The following BNC2 variants were observed in gnomAD, a reference collection of about 807,000 sequenced individuals.
BNC2 encodes zinc finger protein basonuclin-2.
BNC2 carries 20 observed loss-of-function variants against 76.3 expected under a neutral mutation model. The observed-to-expected ratio is 0.26, with a 90% CI of 0.18 to 0.38. BNC2 has a LOEUF of 0.38. Among genes scored for constraint, BNC2 ranks in the 10% least tolerant of loss-of-function variants. The pLI is 1.00. For missense variants in BNC2, 1,382 were observed against 1,399.8 expected (o/e 0.99, Z 0.20); for synonymous variants, 582 against 514.8 (o/e 1.13, Z -1.77).
chr9:16,864,791 G>T (rs1478653828), intron 1 of BNC2, among the ~76,000 whole-genome samples: 1 of 152,074 alleles, frequency 6.6e-6, no homozygotes, highest in African/African-American at 2.4e-5. Flanking sequence ...CTGTGACAGT[G>T]GGGCCTTTCG....
chr9:16,706,877 T>C (rs1823689314), intron 3 of BNC2, among the ~76,000 whole-genome samples: 1 of 152,212 alleles, frequency 6.6e-6, no homozygotes, highest in Admixed American at 6.5e-5. Flanking sequence ...TTGCAAATGC[T>C]GAAATCAAAT....
intron 3 of BNC2, among the ~76,000 whole-genome samples, chr9:16,677,478 C>A (rs1822680426): frequency 6.6e-6 from 1 of 151,894 alleles, no homozygotes; most frequent in Admixed American, 6.6e-5. Flanking sequence ...GAGGCTGAGG[C>A]AGGAGAATTG....
intron 3 of BNC2, chr9:16,685,585 C>A: frequency 2.3e-6 from 3 of 1,304,280 alleles, no homozygotes; most frequent in South Asian, 1.2e-5. Context: ...CAGGTTTGGG[C>A]AGAAGTCTGC....
chr9:16,617,022 CA>C (rs1312433426), intron 3 of BNC2, among the ~76,000 whole-genome samples: 1 of 152,112 alleles, frequency 6.6e-6, no homozygotes, highest in African/African-American at 2.4e-5. Context: ...TTGTGAATTA[CA>C]ACAGGTAATT....
intron 1 of BNC2, among the ~76,000 whole-genome samples, chr9:16,793,648 C>CTTTTTTTTTTTTTTTTTTT: frequency 1.8e-5 from 1 of 55,778 alleles, no homozygotes; most frequent in Non-Finnish European, 3.7e-5. Context: ...CCTTCCACAT[C>CTTTTTTTTTTTTTTTTTTT]TTTTTTTTTT....
chr9:16,456,852 A>G (rs1821462777), intron 5 of BNC2, among the ~76,000 whole-genome samples: 1 of 152,158 alleles, frequency 6.6e-6, no homozygotes. Flanking sequence ...ATTTAACTCT[A>G]ATTTCAGGTA....
chr9:16,485,568 G>C (rs1394154377), intron 5 of BNC2, among the ~76,000 whole-genome samples: 1 of 152,084 alleles, frequency 6.6e-6, no homozygotes, highest in African/African-American at 2.4e-5. Flanking sequence ...CACCCCACTG[G>C]GCTCATTTCA....
At chr9:16,501,371 C>G (rs1299006202) in intron 5 of BNC2, among the ~76,000 whole-genome samples, 1 of 152,178 alleles carries the variant, frequency 6.6e-6, no homozygotes, top group African/African-American at 2.4e-5. Context: ...CACCTCTTGA[C>G]TGATGATAAT....
chr9:16,716,944 C>G (rs1824011440), intron 3 of BNC2, among the ~76,000 whole-genome samples: 1 of 152,158 alleles, frequency 6.6e-6, no homozygotes, highest in African/African-American at 2.4e-5. Context: ...TTTAAGTAAA[C>G]AGTTCACAAA....
chr9:16,678,267 C>CTTTTT (rs140809930), intron 3 of BNC2, among the ~76,000 whole-genome samples: 1,096 of 80,806 alleles, frequency 0.014, 15 homozygotes, highest in African/African-American at 0.023. Context: ...CTTTCTTTTT[C>CTTTTT]TTTTTTTTTT....
intron 5 of BNC2, among the ~76,000 whole-genome samples, chr9:16,439,642 C>A (rs1389026045): frequency 6.6e-6 from 1 of 152,206 alleles, no homozygotes; most frequent in Non-Finnish European, 1.5e-5. Context: ...ATGTAAAATT[C>A]TCTCTGAAAC....
intron 3 of BNC2, among the ~76,000 whole-genome samples, chr9:16,608,730 T>G (rs1820453980): frequency 6.6e-6 from 1 of 152,130 alleles, no homozygotes. Flanking sequence ...ACTTAATAGA[T>G]AAGTTGATGT....
chr9:16,801,115 C>A (rs1817768816), intron 1 of BNC2, among the ~76,000 whole-genome samples: 1 of 152,156 alleles, frequency 6.6e-6, no homozygotes. Flanking sequence ...CAAAGTATAT[C>A]CCCTACACAA....
At chr9:16,556,048 C>A (rs1242605602) in intron 4 of BNC2, among the ~76,000 whole-genome samples, 5 of 152,000 alleles carry the variant, frequency 3.3e-5, no homozygotes, top group Non-Finnish European at 5.9e-5. Flanking sequence ...ACCTGTAATC[C>A]CAGCGCTGTG....
At chr9:16,666,290 T>A (rs1822288126) in intron 3 of BNC2, among the ~76,000 whole-genome samples, 1 of 152,222 alleles carries the variant, frequency 6.6e-6, no homozygotes, top group East Asian at 1.9e-4. Flanking sequence ...AGTTCTCTGT[T>A]TTCTTCACTC....
chr9:16,845,411 G>A (rs1003863936), intron 1 of BNC2, among the ~76,000 whole-genome samples: 44 of 152,100 alleles, frequency 2.9e-4, no homozygotes, highest in Admixed American at 1.2e-3. Context: ...AAGAAACCAC[G>A]GTAGTTGGGT....
In BNC2 at chr9:16,499,504, GCTC is replaced by G. The variant is rs552932470; in HGVS notation, c.669+53023_669+53025del. Among the ~76,000 whole-genome samples, 928 of 149,988 alleles carry G rather than the reference GCTC, an allele frequency of 6.2e-3. 11 individuals carry two copies. The highest frequency in any genetic ancestry group is 0.022 in the African/African-American group (887 of 40,736). On this transcript the variant is annotated intron_variant, in intron 5 of 6. Coordinates refer to ENST00000380672, the MANE Select transcript of BNC2 (RefSeq NM_017637.6). ...TCCATTTGCACTGCCATCAAATATA[GCTC>G]CTCCCTAAATATCTTTTTTTTTCTT...
chr9:16,611,623 A>G (rs1587233734), intron 3 of BNC2, among the ~76,000 whole-genome samples: 1 of 151,910 alleles, frequency 6.6e-6, no homozygotes, highest in African/African-American at 2.4e-5. Flanking sequence ...AATTCAAGGT[A>G]AAAAAAAGGT....
At chr9:16,494,108 G>C (rs1822335386) in intron 5 of BNC2, among the ~76,000 whole-genome samples, 1 of 152,122 alleles carries the variant, frequency 6.6e-6, no homozygotes, top group African/African-American at 2.4e-5. Context: ...TGGTGGAAGA[G>C]AAACAGACAC....
Sources: allele counts gnomAD v4.1 joint callset (sites outside exome capture counted in the v4.1 genomes callset), GRCh38; gene constraint gnomAD v4.1.1; transcripts MANE v1.5; gene names NCBI Gene and HGNC (gene_info 2026-07-23, HGNC 2026-07-21).